The following ZNF804B variants were observed in gnomAD, a reference collection of about 807,000 sequenced individuals.
ZNF804B encodes the protein zinc finger protein 804B, also known as zinc finger 804B.
Under a neutral mutation model 101.4 loss-of-function variants are expected in ZNF804B, and 80 were observed. The ratio of observed to expected loss-of-function variants is 0.79; its 90% CI spans 0.66 to 0.95. The LOEUF (loss-of-function observed/expected upper bound fraction) is 0.95. Among genes scored for constraint, ZNF804B ranks in the 40% least tolerant of loss-of-function variants. ZNF804B has a pLI of 0.00. For synonymous variants in ZNF804B, 622 were observed against 558.8 expected (o/e 1.11, Z -1.59); for missense variants, 1,673 against 1,561.9 (o/e 1.07, Z -1.20).
intron 1 of ZNF804B, among the ~76,000 whole-genome samples, chr7:88,963,578 AG>A (rs1793418225): frequency 6.6e-6 from 1 of 151,444 alleles, no homozygotes; most frequent in South Asian, 2.1e-4. Flanking sequence ...AAGCTGCAGA[AG>A]AAAACATGGG....
Position 89,022,196 on chromosome 7 carries a change from C to A in ZNF804B, c.109-195959C>A, listed in dbSNP as rs186043726. ...GAGCACCACAGGGACCTCTCATCTC[C>A]CCTGCTGCCTTCTAGTGCTCTCTCT... On this transcript the variant is annotated intron_variant, in intron 1 of 3. Coordinates refer to ENST00000333190, the MANE Select transcript of ZNF804B (RefSeq NM_181646.5). 2.6e-5 allele frequency among the ~76,000 whole-genome samples: 4 copies of A among 152,250 alleles called. No individual in the cohort carries two copies. In the East Asian group the frequency reaches 7.7e-4, roughly 29 times the overall value.
At chr7:89,156,833 C>T (rs895935037) in intron 1 of ZNF804B, among the ~76,000 whole-genome samples, 3 of 152,138 alleles carry the variant, frequency 2.0e-5, no homozygotes, top group South Asian at 2.1e-4. Flanking sequence ...CAAAGAACAA[C>T]ACCTATCAAG....
At chr7:88,962,109 A>G (rs1793393493) in intron 1 of ZNF804B, among the ~76,000 whole-genome samples, 1 of 151,262 alleles carries the variant, frequency 6.6e-6, no homozygotes, top group Non-Finnish European at 1.5e-5. Context: ...CTTTAATTGC[A>G]TTGAAGAAAC....
Position 89,335,031 on chromosome 7 carries a change from C to T in ZNF804B, c.2049C>T (p.Ser683=), listed in dbSNP as rs1791053872. The T allele has an allele frequency of 6.2e-7, 1 of 1,613,820 alleles. No homozygotes were observed. The highest frequency in any genetic ancestry group is 8.5e-7 in the Non-Finnish European group (1 of 1,179,910). Residue 683 remains serine, a synonymous_variant, in exon 4 of 4, where the codon AGC becomes AGT. Transcript: ENST00000333190. ...FSVILKSNHI[S]MTSKVSGCGN... is the part of the protein sequence containing the mutation. ...TAATTTTGAAGAGTAACCACATCAGCATGACCAGCAAGGTTTCCGGATGTG... is the reference window on the plus strand; with the variant it reads ...TAATTTTGAAGAGTAACCACATCAGTATGACCAGCAAGGTTTCCGGATGTG...
chr7:88,851,561 AT>A (rs567775243), intron 1 of ZNF804B, among the ~76,000 whole-genome samples: 28 of 148,576 alleles, frequency 1.9e-4, no homozygotes, highest in South Asian at 1.7e-3. Flanking sequence ...TGAAATAAAG[AT>A]TTTTTTTTCC....
chr7:89,277,083 GT>G (rs1319643938), intron 2 of ZNF804B, among the ~76,000 whole-genome samples: 1 of 149,006 alleles, frequency 6.7e-6, no homozygotes, highest in Non-Finnish European at 1.5e-5. Flanking sequence ...GACATTTTCA[GT>G]TTATTATGTA....
At chr7:88,949,858 G>T (rs1236104854) in intron 1 of ZNF804B, among the ~76,000 whole-genome samples, 2 of 151,922 alleles carry the variant, frequency 1.3e-5, no homozygotes, top group African/African-American at 4.8e-5. Flanking sequence ...ATGCTGTACA[G>T]GTTTGTAGCC....
At chr7:89,038,174 T>C (rs12113446) in intron 1 of ZNF804B, among the ~76,000 whole-genome samples, 6,477 of 152,234 alleles carry the variant, frequency 0.043, 456 homozygotes, top group African/African-American at 0.14. Context: ...TGATTTTACT[T>C]ACTTACTTTA....
At chr7:88,886,168 T>A (rs896932452) in intron 1 of ZNF804B, among the ~76,000 whole-genome samples, 2 of 152,130 alleles carry the variant, frequency 1.3e-5, no homozygotes, top group African/African-American at 4.8e-5. Flanking sequence ...GTTGTACATT[T>A]ATTCCAAAAT....
chr7:89,118,158 CTT>C (rs1394896580), intron 1 of ZNF804B, among the ~76,000 whole-genome samples: 1 of 152,130 alleles, frequency 6.6e-6, no homozygotes, highest in Non-Finnish European at 1.5e-5. Flanking sequence ...TGAATACCAA[CTT>C]ATGCTAAACT....
chr7:89,026,320 A>T (rs150125889), intron 1 of ZNF804B, among the ~76,000 whole-genome samples: 1 of 152,144 alleles, frequency 6.6e-6, no homozygotes, highest in Non-Finnish European at 1.5e-5. Context: ...TAGCTTACAC[A>T]TTTGTAATTA....
chr7:89,023,509 G>A (rs149490759), intron 1 of ZNF804B, among the ~76,000 whole-genome samples: 2 of 152,218 alleles, frequency 1.3e-5, no homozygotes, highest in East Asian at 1.9e-4. Flanking sequence ...ATGGCATTTT[G>A]GTCCTTAAAT....
intron 1 of ZNF804B, among the ~76,000 whole-genome samples, chr7:89,176,152 C>A (rs1791315124): frequency 6.6e-6 from 1 of 151,896 alleles, no homozygotes; most frequent in Admixed American, 6.6e-5. Context: ...AGAGGAAAGG[C>A]TTTCAGTTTC....
intron 1 of ZNF804B, among the ~76,000 whole-genome samples, chr7:88,919,466 G>T (rs748185578): frequency 6.6e-6 from 1 of 152,074 alleles, no homozygotes; most frequent in Non-Finnish European, 1.5e-5. Flanking sequence ...TCTTTTTAAA[G>T]CAAGACACTT....
chr7:88,917,219 C>T lies in ZNF804B; in HGVS notation c.108+157135C>T, dbSNP rs148395786. ...GGCGGAGGTTGCAGTGAGCCGAGAT[C>T]GCACCATTGCACTCCAGCCTGGGGG... On this transcript the variant is annotated intron_variant, in intron 1 of 3. Coordinates refer to ENST00000333190, the MANE Select transcript of ZNF804B (RefSeq NM_181646.5). Among the ~76,000 whole-genome samples, 1,321 of 151,874 alleles carry T rather than the reference C, an allele frequency of 8.7e-3. 8 individuals are homozygous for T. The highest frequency in any genetic ancestry group is 0.014 in the Non-Finnish European group (930 of 67,950).
chr7:88,861,857 T>G (rs1018525189), intron 1 of ZNF804B, among the ~76,000 whole-genome samples: 1 of 152,158 alleles, frequency 6.6e-6, no homozygotes, highest in African/African-American at 2.4e-5. Flanking sequence ...ATAATAACCC[T>G]TGCATATTTT....
At chr7:88,864,220 A>G (rs1244409965) in intron 1 of ZNF804B, among the ~76,000 whole-genome samples, 8 of 152,194 alleles carry the variant, frequency 5.3e-5, no homozygotes, top group Non-Finnish European at 1.5e-5. Flanking sequence ...TTTCTGATTC[A>G]GTTACATGTT....
At chr7:89,272,068 T>TC (rs1789907379) in intron 2 of ZNF804B, among the ~76,000 whole-genome samples, 2 of 152,110 alleles carry the variant, frequency 1.3e-5, no homozygotes, top group African/African-American at 2.4e-5. Flanking sequence ...TCTCATTTTT[T>TC]CTCAATAGTC....
intron 1 of ZNF804B, among the ~76,000 whole-genome samples, chr7:88,812,432 A>C (rs1053291525): frequency 6.6e-6 from 1 of 152,214 alleles, no homozygotes; most frequent in South Asian, 2.1e-4. Flanking sequence ...AAAATGGTGC[A>C]ACCACCATGG....
Sources: allele counts gnomAD v4.1 joint callset (sites outside exome capture counted in the v4.1 genomes callset), GRCh38; gene constraint gnomAD v4.1.1; transcripts MANE v1.5; gene names NCBI Gene and HGNC (gene_info 2026-07-23, HGNC 2026-07-21).